The following MED13L variants were observed in gnomAD, a reference collection of about 807,000 sequenced individuals.
MED13L encodes mediator complex subunit 13L, also known as mediator of RNA polymerase II transcription subunit 13-like.
A neutral mutation model predicts 220.9 loss-of-function variants in MED13L; 7 were observed. That is an observed-to-expected ratio of 0.03 (90% CI 0.02 to 0.06). The LOEUF (loss-of-function observed/expected upper bound fraction) is 0.06, where lower values mean the gene tolerates loss of function less well. Among genes scored for constraint, MED13L ranks in the 10% least tolerant of loss-of-function variants. The pLI is 1.00. For synonymous variants in MED13L, 1,011 were observed against 1,015.2 expected, an observed-to-expected ratio of 1.00 and a Z score of 0.08; for missense variants, 1,965 against 2,760.5, an observed-to-expected ratio of 0.71 and a Z score of 6.46.
intron 1 of MED13L, chr12:116,276,725 G>C (rs1873879460): frequency 3.3e-6 from 3 of 902,226 alleles, no homozygotes; most frequent in African/African-American, 1.8e-5. Context: ...GGAAAAAAAG[G>C]GGGGAAAGGG....
In MED13L at chr12:115,961,317, G is replaced by A. The variant is rs956746436; in HGVS notation, c.6582C>T (p.Val2194=). 1.7e-5 allele frequency: 28 copies of A among 1,614,214 alleles called. No individual in the cohort carries two copies. Among genetic ancestry groups the A allele is most frequent in the Non-Finnish European group, 2.4e-5 (28 of 1,180,024 alleles). ...ACAACTGAGTGAGCACCACAAAGTG[G>A]ACGGGAAGGCAGGAAGTACGGTCCT... The part of the protein sequence containing the change: ...ATQDRTSCLP[V]HFVVLTQLYN... The change falls in exon 31 of 31, where the codon GTC becomes GTT. Residue 2194 remains valine (V), a synonymous_variant. Coordinates refer to ENST00000281928, the MANE Select transcript of MED13L (RefSeq NM_015335.5).
intron 1 of MED13L, among the ~76,000 whole-genome samples, chr12:116,267,433 T>G (rs1394961936): frequency 6.6e-6 from 1 of 152,216 alleles, no homozygotes; most frequent in Non-Finnish European, 1.5e-5. Context: ...CCTGGTTAAC[T>G]GCCTCGGGCT....
chr12:116,029,764 A>G (rs1282629277), intron 4 of MED13L, among the ~76,000 whole-genome samples: 1 of 152,180 alleles, frequency 6.6e-6, no homozygotes, highest in Non-Finnish European at 1.5e-5. Flanking sequence ...TTTGAATAAG[A>G]AGAAACTGAC....
chr12:116,260,544 C>T (rs1318071983), intron 1 of MED13L, among the ~76,000 whole-genome samples: 1 of 152,050 alleles, frequency 6.6e-6, no homozygotes, highest in Non-Finnish European at 1.5e-5. Flanking sequence ...AACAATTACG[C>T]TCTCAATAAC....
intron 2 of MED13L, among the ~76,000 whole-genome samples, chr12:116,234,267 T>C (rs1347120848): frequency 1.3e-5 from 2 of 152,148 alleles, no homozygotes; most frequent in African/African-American, 2.4e-5. Flanking sequence ...TCTTGCTGTG[T>C]TGCCCAGCAG....
At chr12:116,132,921 C>T (rs1322680113) in intron 2 of MED13L, among the ~76,000 whole-genome samples, 1 of 151,136 alleles carries the variant, frequency 6.6e-6, no homozygotes, top group African/African-American at 2.4e-5. Context: ...CAAAAAAAAA[C>T]AAAAAGGAAG....
chr12:116,097,760 T>C, intron 3 of MED13L, among the ~76,000 whole-genome samples: 1 of 152,230 alleles, frequency 6.6e-6, no homozygotes, highest in East Asian at 1.9e-4. Context: ...ACATGTTTTT[T>C]TGAAGACATG....
intron 4 of MED13L, among the ~76,000 whole-genome samples, chr12:116,057,832 AG>A (rs968750072): frequency 6.6e-6 from 1 of 152,156 alleles, no homozygotes; most frequent in Non-Finnish European, 1.5e-5. Flanking sequence ...AAAGAGACTT[AG>A]GATTATTACT....
intron 2 of MED13L, among the ~76,000 whole-genome samples, chr12:116,176,791 G>C (rs1276868890): frequency 7.2e-6 from 1 of 139,176 alleles, no homozygotes; most frequent in African/African-American, 2.7e-5. Context: ...AAGGAATTGA[G>C]AAAAAGCAAG....
intron 2 of MED13L, among the ~76,000 whole-genome samples, chr12:116,222,777 A>G (rs1868567510): frequency 6.6e-6 from 1 of 152,216 alleles, no homozygotes; most frequent in African/African-American, 2.4e-5. Context: ...TACAACTTGC[A>G]ATCTACTAAC....
At chr12:115,997,283 T>A in intron 14 of MED13L, 53 bp from the exon 15 acceptor site, 5 of 1,499,736 alleles carry the variant, frequency 3.3e-6, no homozygotes, top group Non-Finnish European at 4.6e-6. Context: ...TTCTAAAAAG[T>A]CCTAGCTTAT....
intron 1 of MED13L, among the ~76,000 whole-genome samples, chr12:116,275,439 G>A (rs149762844): frequency 6.6e-6 from 1 of 152,094 alleles, no homozygotes; most frequent in East Asian, 1.9e-4. Flanking sequence ...TACTAGAGTG[G>A]GAGCAATGAT....
intron 10 of MED13L, 80 bp downstream of exon 10, chr12:116,008,321 T>C (rs1566007006): frequency 2.6e-6 from 4 of 1,514,586 alleles, no homozygotes; most frequent in African/African-American, 1.4e-5. Flanking sequence ...ATTTTGAATC[T>C]GAAAGTTTAG....
chr12:115,971,957 A>G (rs1876615626), intron 26 of MED13L, 121 bp downstream of exon 26: 1 of 1,187,696 alleles, frequency 8.4e-7, no homozygotes, highest in South Asian at 1.3e-5. Flanking sequence ...TTAAGCCCCA[A>G]ATACAATCTT....
At chr12:115,992,015 G>C (rs1592924603) in intron 16 of MED13L, 58 bp from the exon 17 acceptor site, 8 of 1,424,288 alleles carry the variant, frequency 5.6e-6, no homozygotes, top group South Asian at 3.6e-5. Context: ...TGCTGAACTA[G>C]ACACATGATC....
At position 116,008,699 on chromosome 12, in the gene MED13L, C is replaced by T; in HGVS notation, c.1714G>A (p.Asp572Asn). The change falls in exon 10 of 31, where the codon GAC (aspartate) becomes AAC (asparagine). Residue 572 changes from aspartate (D) to asparagine (N), a missense_variant. Physicochemically the swap from Asp to Asn is conservative, Grantham distance 23. Coordinates refer to ENST00000281928, the MANE Select transcript of MED13L (RefSeq NM_015335.5). ...QPRGQETESL[D>N]PPSVPVNPAL... ...GGATTCACAGGGACCGATGGTGGGTCCAAACTCTCTGTTTCCTGACCTCGT... is the reference window on the plus strand; with the variant it reads ...GGATTCACAGGGACCGATGGTGGGTTCAAACTCTCTGTTTCCTGACCTCGT... 6.2e-7 allele frequency: 1 copy of T among 1,613,970 alleles called. No homozygotes were observed. Among genetic ancestry groups the T allele is most frequent in the Non-Finnish European group, 8.5e-7 (1 of 1,179,976 alleles).
intron 14 of MED13L, among the ~76,000 whole-genome samples, chr12:116,000,717 T>A (rs1319059200): frequency 6.6e-6 from 1 of 152,212 alleles, no homozygotes; most frequent in African/African-American, 2.4e-5. Context: ...AAACATGTTT[T>A]TACTATAACA....
At chr12:115,996,940 T>G in intron 15 of MED13L, 70 bp downstream of exon 15, 1 of 1,472,476 alleles carries the variant, frequency 6.8e-7, no homozygotes, top group South Asian at 1.1e-5. Flanking sequence ...CAATACCATT[T>G]TAAAGCAGAT....
chr12:116,003,856 T>A (rs765959358), intron 13 of MED13L, among the ~76,000 whole-genome samples: 34 of 152,226 alleles, frequency 2.2e-4, no homozygotes, highest in Admixed American at 8.5e-4. Context: ...GCCTCCCAAC[T>A]CCATTTACGA....
Sources: allele counts gnomAD v4.1 joint callset (sites outside exome capture counted in the v4.1 genomes callset), GRCh38; gene constraint gnomAD v4.1.1; transcripts MANE v1.5; gene names NCBI Gene and HGNC (gene_info 2026-07-23, HGNC 2026-07-21).